Variants in APPL2 observed in about 807,000 individuals in gnomAD.
APPL2 encodes DCC-interacting protein 13-beta.
In APPL2, 84 loss-of-function variants were observed where a neutral mutation model predicts 92.7. The observed-to-expected ratio is 0.91, with a 90% CI of 0.76 to 1.09. The LOEUF (loss-of-function observed/expected upper bound fraction) is 1.09. APPL2 is among the 50% of genes least tolerant of loss of function. APPL2 has a pLI of 0.00. For synonymous variants in APPL2, 291 were observed against 291.0 expected, an observed-to-expected ratio of 1.00 and a Z score of 0.00; for missense variants, 736 against 824.5, an observed-to-expected ratio of 0.89 and a Z score of 1.31.
chr12:105,209,384 A>G (rs1289480243), intron 5 of APPL2, among the ~76,000 whole-genome samples: 1 of 152,034 alleles, frequency 6.6e-6, no homozygotes, highest in Non-Finnish European at 1.5e-5. Flanking sequence ...TCTTACTACT[A>G]ACGAGCAGTT....
intron 14 of APPL2, among the ~76,000 whole-genome samples, chr12:105,192,644 T>C (rs1481375044): frequency 6.6e-6 from 1 of 152,206 alleles, no homozygotes; most frequent in Non-Finnish European, 1.5e-5. Context: ...GCAGCTTGAA[T>C]ATTATCTTCA....
chr12:105,200,860 GTATGTATCTATCTATCTATC>G lies in APPL2; in HGVS notation c.705-1349_705-1330del, dbSNP rs1360873175. ...TGTATGTATGTATGTATGTATGTAT[GTATGTATCTATCTATCTATC>G]TATCTATCTATCTATCTATCTATCC... On this transcript the variant is annotated intron_variant, in intron 9 of 20. Coordinates refer to ENST00000258530, the MANE Select transcript of APPL2 (RefSeq NM_018171.5). Among the ~76,000 whole-genome samples, 204 of 112,554 alleles carry G rather than the reference GTATGTATCTATCTATCTATC, an allele frequency of 1.8e-3. 2 individuals carry two copies. Among genetic ancestry groups the G allele is most frequent in the African/African-American group, 7.1e-3 (191 of 26,892 alleles). 73.8% of individuals were successfully genotyped at this position (112,554 alleles called of 152,430 possible). A position where few individuals can be genotyped will look rare whatever the true frequency, so the allele number is the denominator to read the frequency against.
intron 17 of APPL2, among the ~76,000 whole-genome samples, chr12:105,186,694 TATATC>T (rs1405938106): frequency 3.3e-5 from 2 of 60,852 alleles, no homozygotes; most frequent in African/African-American, 5.9e-5. Flanking sequence ...ATATATATCA[TATATC>T]ATATCATATA....
In APPL2 at chr12:105,174,172, G is replaced by C; in HGVS notation, c.*142C>G. Reference sequence around the variant, plus strand: ...TTCTTAGTTTCCCTCCCAAGTCTCAGTATCAAGGCATCAAGATTACATTCC... The same window carrying C: ...TTCTTAGTTTCCCTCCCAAGTCTCACTATCAAGGCATCAAGATTACATTCC... On this transcript the variant is annotated 3_prime_UTR_variant, in exon 21 of 21. Coordinates refer to ENST00000258530, the MANE Select transcript of APPL2 (RefSeq NM_018171.5). 2.0e-6 allele frequency: 2 copies of C among 1,007,608 alleles called. No individual in the cohort carries two copies. The highest frequency in any genetic ancestry group is 2.7e-5 in the East Asian group (1 of 37,262). The allele number at this position is 1,007,608 out of a possible 1,614,324, so 62.4% of individuals were successfully genotyped here.
chr12:105,196,561 G>A (rs1036283250), intron 11 of APPL2, among the ~76,000 whole-genome samples: 1 of 150,342 alleles, frequency 6.7e-6, no homozygotes, highest in Non-Finnish European at 1.5e-5. Context: ...TCAGCCTCCT[G>A]AGTAGCTGGG....
intron 9 of APPL2, among the ~76,000 whole-genome samples, chr12:105,200,856 GTATGTATGTATCTATCTATCTATC>G (rs1207395671): frequency 8.1e-5 from 9 of 111,700 alleles, no homozygotes; most frequent in Admixed American, 1.8e-4. Flanking sequence ...ATGTATGTAT[GTATGTATGTATCTATCTATCTATC>G]TATCTATCTA....
In APPL2 at chr12:105,186,450, A is replaced by G. The variant is rs929771135; in HGVS notation, c.1634+1823T>C. Among the ~76,000 whole-genome samples, 13 of 152,144 alleles carry G rather than the reference A, an allele frequency of 8.5e-5. No individual in the cohort carries two copies. In the East Asian group the frequency reaches 9.6e-4, roughly 11 times the overall value. On this transcript the variant is annotated intron_variant, in intron 17 of 20. Coordinates refer to ENST00000258530, the MANE Select transcript of APPL2 (RefSeq NM_018171.5). ...AAAGGACTGCTATGAACATTTGCGTATAAGTTTTTGTTTGAACACCTGTAT... is the reference window on the plus strand; with the variant it reads ...AAAGGACTGCTATGAACATTTGCGTGTAAGTTTTTGTTTGAACACCTGTAT...
chr12:105,223,909 G>C (rs1490403609), intron 2 of APPL2, among the ~76,000 whole-genome samples: 2 of 152,166 alleles, frequency 1.3e-5, no homozygotes, highest in Non-Finnish European at 2.9e-5. Context: ...TTGTTTAGCT[G>C]ATAAGGAAAC....
At chr12:105,194,741 T>C (rs1308231463) in intron 14 of APPL2, among the ~76,000 whole-genome samples, 1 of 150,054 alleles carries the variant, frequency 6.7e-6, no homozygotes, top group East Asian at 2.0e-4. Flanking sequence ...GAATAGGGTG[T>C]AGTTACTAAA....
chr12:105,202,981 C>A (rs1024793208), intron 9 of APPL2, among the ~76,000 whole-genome samples: 13 of 149,832 alleles, frequency 8.7e-5, no homozygotes, highest in Admixed American at 3.3e-4. Flanking sequence ...AATTCCTATT[C>A]ATTATTTCCA....
chr12:105,183,168 TCTC>T (rs1471613569), intron 17 of APPL2, among the ~76,000 whole-genome samples: 1 of 150,328 alleles, frequency 6.7e-6, no homozygotes, highest in African/African-American at 2.5e-5. Context: ...ATGAGATGGG[TCTC>T]CTGAATACAG....
chr12:105,215,029 A>G lies in APPL2; in HGVS notation c.285+2040T>C, dbSNP rs553226421. On this transcript the variant is annotated intron_variant, in intron 4 of 20. Coordinates refer to ENST00000258530, the MANE Select transcript of APPL2 (RefSeq NM_018171.5). ...TCCCCTGTACCTTGCCCTATGTATC[A>G]CTTAATCTGGCTGTTCATCTGTGTC... 5.8e-4 allele frequency among the ~76,000 whole-genome samples: 88 copies of G among 152,320 alleles called. 1 individual carries two copies. The Middle Eastern group carries it at 0.017, about 29-fold the overall frequency.
chr12:105,188,360 G>A lies in APPL2; in HGVS notation c.1547C>T (p.Ala516Val), dbSNP rs145831831. ...TDSTTEVIYE[A>V]MRQVLAARAI... Reference sequence around the variant, plus strand: ...CCGAGCAGCCAATACTTGTCTCATCGCTTCATAAATCACTTCAGTAGTGCT... The same window carrying A: ...CCGAGCAGCCAATACTTGTCTCATCACTTCATAAATCACTTCAGTAGTGCT... Residue 516 changes from alanine to valine, a missense_variant, in exon 17 of 21, where the codon GCG becomes GTG. Coordinates refer to ENST00000258530, the MANE Select transcript of APPL2 (RefSeq NM_018171.5). 1.8e-4 allele frequency: 284 copies of A among 1,614,136 alleles called. No individual in the cohort carries two copies. The highest frequency in any genetic ancestry group is 6.0e-4 in the Admixed American group (36 of 60,020).
intron 17 of APPL2, among the ~76,000 whole-genome samples, chr12:105,186,736 C>CAT (rs558004993): frequency 3.5e-4 from 47 of 134,674 alleles, no homozygotes; most frequent in Middle Eastern, 8.2e-3. Context: ...TCATATATAT[C>CAT]ATATATATAT....
chr12:105,188,544 T>C, intron 16 of APPL2, 97 bp from the exon 17 acceptor site: 1 of 1,355,186 alleles, frequency 7.4e-7, no homozygotes, highest in Non-Finnish European at 1.0e-6. Flanking sequence ...CTGCTTTCTG[T>C]GGAGGACTTT....
At chr12:105,200,049 C>T (rs577594881) in intron 9 of APPL2, among the ~76,000 whole-genome samples, 9 of 151,462 alleles carry the variant, frequency 5.9e-5, no homozygotes, top group East Asian at 5.8e-4. Flanking sequence ...TTCGCCAGGA[C>T]GGTCTCGATC....
rs559602828 is a variant in APPL2, at chr12:105,188,241, A to G, written c.1634+32T>C. ...CTTAAAAGGGGAATTAGCTGAAGCCATAAGAAAGTCTGAAAATAAAACTGA... is the reference window on the plus strand; with the variant it reads ...CTTAAAAGGGGAATTAGCTGAAGCCGTAAGAAAGTCTGAAAATAAAACTGA... On this transcript the variant is annotated intron_variant, in intron 17 of 20. Transcript: ENST00000258530. The G allele has an allele frequency of 8.1e-6, 13 of 1,609,786 alleles. No individual in the cohort carries two copies. In the South Asian group the frequency reaches 1.1e-4, roughly 14 times the overall value.
At chr12:105,222,834 C>T (rs1043800349) in intron 2 of APPL2, among the ~76,000 whole-genome samples, 12 of 152,186 alleles carry the variant, frequency 7.9e-5, no homozygotes, top group South Asian at 2.1e-4. Flanking sequence ...AATGGCACTT[C>T]GGCCAGGAAG....
At chr12:105,198,796 G>A (rs1177569895) in intron 10 of APPL2, among the ~76,000 whole-genome samples, 1 of 152,188 alleles carries the variant, frequency 6.6e-6, no homozygotes, top group East Asian at 1.9e-4. Context: ...AGAGATCAAG[G>A]CTCAGCCCAG....
Sources: gnomAD v4.1 joint callset for allele counts (sites outside exome capture counted in the v4.1 genomes callset) on GRCh38, gnomAD v4.1.1 for gene constraint, MANE v1.5 for transcripts, NCBI Gene and HGNC (gene_info 2026-07-23, HGNC 2026-07-21) for gene names.